LRRC74B: variants seen among roughly 807,000 people sequenced by gnomAD.
LRRC74B encodes leucine rich repeat containing 74B.
In LRRC74B, 30 loss-of-function variants were observed where a neutral mutation model predicts 16.6. That is an observed-to-expected ratio of 1.80 (90% CI 1.35 to 2.45). The LOEUF (loss-of-function observed/expected upper bound fraction) is 2.45. Ranked by LOEUF, LRRC74B falls within the 30% of genes most tolerant of loss-of-function variation. The pLI is 0.00. For synonymous variants in LRRC74B, 134 were observed against 86.0 expected, an observed-to-expected ratio of 1.56 and a Z score of -3.09; for missense variants, 326 against 202.4, an observed-to-expected ratio of 1.61 and a Z score of -3.71.
downstream of LRRC74B, chr22:21,060,621 C>T: frequency 1.6e-6 from 1 of 629,450 alleles, no homozygotes; most frequent in Non-Finnish European, 2.9e-6. Flanking sequence ...CCACTTGTGT[C>T]TGCACTGAGT....
At chr22:21,060,334 T>G (rs780396471) in intron 8 of LRRC74B, 39 bp from the exon 9 acceptor site, 1 of 642,046 alleles carries the variant, frequency 1.6e-6, no homozygotes, top group South Asian at 1.8e-5. Flanking sequence ...AGTTCTCAGA[T>G]AGTAACAAAG....
intron 8 of LRRC74B, among the ~76,000 whole-genome samples, chr22:21,059,813 A>G (rs1930723470): frequency 6.6e-6 from 1 of 151,980 alleles, no homozygotes; most frequent in African/African-American, 2.4e-5. Flanking sequence ...ATAAGCTGAG[A>G]TGACAGACCT....
At chr22:21,060,521 C>G in exon 9 of LRRC74B, 1 of 709,408 alleles carries the variant, frequency 1.4e-6, no homozygotes, top group South Asian at 1.5e-5. Context: ...GCGTCTGTCC[C>G]TAAGTGACCT....
chr22:21,060,920 G>A (rs912523765), downstream of LRRC74B, among the ~76,000 whole-genome samples: 8 of 152,168 alleles, frequency 5.3e-5, no homozygotes, highest in Admixed American at 3.9e-4. Context: ...TTTTTGGAAG[G>A]CAGTTTATCA....
At chr22:21,052,478 A>G in intron 5 of LRRC74B, 120 bp downstream of exon 5, 2 of 645,342 alleles carry the variant, frequency 3.1e-6, no homozygotes, top group Non-Finnish European at 5.6e-6. Flanking sequence ...AGCACAGCTT[A>G]AAGACTGTTT....
chr22:21,060,661 C>T (rs554533782), downstream of LRRC74B: 67 of 598,706 alleles, frequency 1.1e-4, no homozygotes, highest in East Asian at 1.4e-3. Flanking sequence ...TAAGTCCACA[C>T]GGTGCTCACA....
chr22:21,051,315 C>G (rs1050314743), intron 4 of LRRC74B, among the ~76,000 whole-genome samples: 4 of 152,096 alleles, frequency 2.6e-5, no homozygotes, highest in African/African-American at 9.7e-5. Flanking sequence ...GTAGGATGAC[C>G]GCTGGAGGGT....
At chr22:21,055,291 G>T in intron 7 of LRRC74B, 115 bp downstream of exon 7, 1 of 642,124 alleles carries the variant, frequency 1.6e-6, no homozygotes, top group Non-Finnish European at 2.9e-6. Flanking sequence ...ACACAGGCTG[G>T]CTCACTCCCT....
At chr22:21,046,191 G>C (rs1929413437) in intron 1 of LRRC74B, 66 bp downstream of exon 1, 1 of 704,668 alleles carries the variant, frequency 1.4e-6, no homozygotes, top group Non-Finnish European at 2.6e-6. Flanking sequence ...GGGGTTGGGG[G>C]AGGCGGGCTG....
At chr22:21,048,993 A>C (rs1274394415) in exon 4 of LRRC74B, 2 of 715,782 alleles carry the variant, frequency 2.8e-6, no homozygotes, top group Non-Finnish European at 5.2e-6. Context: ...GCAGGAGCCC[A>C]GGCCCTCTGT....
At chr22:21,047,439 T>C (rs1380779272) in exon 2 of LRRC74B, 1 of 717,528 alleles carries the variant, frequency 1.4e-6, no homozygotes, top group South Asian at 1.5e-5. Flanking sequence ...CATCTCCTGC[T>C]TTCTGCGCCA....
chr22:21,049,632 G>A (rs1450164694), intron 4 of LRRC74B, among the ~76,000 whole-genome samples: 2 of 151,582 alleles, frequency 1.3e-5, no homozygotes, highest in Non-Finnish European at 2.9e-5. Context: ...TGCAAGCAGA[G>A]GAATAGTGAG....
At chr22:21,063,999 AAAT>A (rs1930925752), downstream of LRRC74B, 1 of 157,136 alleles carries the variant, frequency 6.4e-6, no homozygotes, top group Admixed American at 6.6e-5. Context: ...CAAAACAAAA[AAAT>A]AATAATTATA....
At chr22:21,057,504 C>A (rs980475463) in intron 8 of LRRC74B, among the ~76,000 whole-genome samples, 2 of 150,680 alleles carry the variant, frequency 1.3e-5, no homozygotes, top group Non-Finnish European at 3.0e-5. Context: ...GATCTGCAGG[C>A]GCAGCACCTG....
intron 1 of LRRC74B, among the ~76,000 whole-genome samples, chr22:21,046,742 C>T (rs1466547369): frequency 6.6e-6 from 1 of 152,086 alleles, no homozygotes; most frequent in Non-Finnish European, 1.5e-5. Flanking sequence ...AGTGAGCCTT[C>T]TGCCTCAGCC....
chr22:21,054,989 C>G (rs1420911426), intron 6 of LRRC74B, 109 bp from the exon 7 acceptor site: 3 of 664,448 alleles, frequency 4.5e-6, no homozygotes, highest in Non-Finnish European at 8.3e-6. Context: ...GAACAAGAGA[C>G]CCAACCTGGT....
chr22:21,053,476 G>A lies in LRRC74B; in HGVS notation c.848+1G>A, dbSNP rs1354689151. The A allele has an allele frequency of 2.8e-6, 2 of 716,686 alleles. No homozygotes were observed. The highest frequency in any genetic ancestry group is 3.0e-5 in the South Asian group (2 of 67,388). 44.4% of individuals were successfully genotyped at this position (716,686 alleles called of 1,614,324 possible). ...ACGTGTTGGAGGAACTCAACATGAG[G>A]TGAGGATCCCCGGGGGGACACCCCA... is the stretch of plus-strand genomic sequence containing the variant. On this transcript the variant is annotated splice_donor_variant, in intron 6 of 8. Coordinates refer to ENST00000442047, the Ensembl canonical transcript of LRRC74B. LOFTEE classifies it high-confidence loss of function.
intron 8 of LRRC74B, among the ~76,000 whole-genome samples, chr22:21,057,627 CT>C (rs377730946): frequency 4.2e-5 from 6 of 141,872 alleles, no homozygotes; most frequent in South Asian, 4.7e-4. Context: ...AATTTTGCCA[CT>C]TTTTTTTTGA....
intron 6 of LRRC74B, 91 bp from the exon 7 acceptor site, chr22:21,055,007 A>C: frequency 1.5e-6 from 1 of 679,780 alleles, no homozygotes. Context: ...GGTGGCTGCA[A>C]TGGCAGCTCC....
Sources: gnomAD v4.1 joint callset for allele counts (sites outside exome capture counted in the v4.1 genomes callset) on GRCh38, gnomAD v4.1.1 for gene constraint, MANE v1.5 for transcripts, NCBI Gene and HGNC (gene_info 2026-07-23, HGNC 2026-07-21) for gene names.